Variants in COL28A1 observed in about 807,000 individuals in gnomAD.
COL28A1 encodes the protein collagen alpha-1(XXVIII) chain.
COL28A1 carries 161 observed loss-of-function variants against 150.2 expected under a neutral mutation model. The ratio of observed to expected loss-of-function variants is 1.07; its 90% CI spans 0.94 to 1.22. COL28A1 has a LOEUF of 1.22. COL28A1 is among the 50% of genes most tolerant of loss of function. The pLI, the probability that COL28A1 is intolerant of heterozygous loss-of-function variation, is 0.00. For missense variants in COL28A1, 1,617 were observed against 1,388.3 expected (o/e 1.16, Z -2.62); for synonymous variants, 552 against 469.7 (o/e 1.18, Z -2.26).
chr7:7,490,135 T>C (rs76379500), intron 12 of COL28A1, among the ~76,000 whole-genome samples: 3,945 of 152,238 alleles, frequency 0.026, 139 homozygotes, highest in African/African-American at 0.082. Flanking sequence ...GTTCCTTCCT[T>C]CCCTTTCTAG....
Position 7,462,497 on chromosome 7 carries a change from G to C in COL28A1, c.1303-6385C>G, listed in dbSNP as rs549611650. Among the ~76,000 whole-genome samples the C allele has an allele frequency of 2.0e-5, 3 of 152,112 alleles. No homozygotes were observed. The East Asian group carries it at 5.8e-4, about 29-fold the overall frequency. Reference sequence around the variant, plus strand: ...TAAAAAATGATACAAGAAGTGAAGGGAGAAATATTCAATGAAATAGATAGC... The same window carrying C: ...TAAAAAATGATACAAGAAGTGAAGGCAGAAATATTCAATGAAATAGATAGC... On this transcript the variant is annotated intron_variant, in intron 15 of 34. Transcript: ENST00000399429.
At chr7:7,457,816 G>A (rs1385545208) in intron 15 of COL28A1, among the ~76,000 whole-genome samples, 2 of 152,206 alleles carry the variant, frequency 1.3e-5, no homozygotes, top group African/African-American at 4.8e-5. Flanking sequence ...CAAATTAGTT[G>A]ATGACAGAGA....
intron 27 of COL28A1, among the ~76,000 whole-genome samples, chr7:7,405,058 A>G (rs1436702232): frequency 6.6e-6 from 1 of 152,142 alleles, no homozygotes; most frequent in Admixed American, 6.6e-5. Context: ...TAATTTCAAT[A>G]ATCATTTATT....
downstream of COL28A1, among the ~76,000 whole-genome samples, chr7:7,354,031 T>A (rs893871279): frequency 3.2e-4 from 34 of 107,200 alleles, no homozygotes; most frequent in African/African-American, 3.6e-4. Context: ...AAAAAAAAAT[T>A]TTTTTTTTTT....
At chr7:7,417,529 GGA>G (rs1784156265) in intron 27 of COL28A1, 1 of 121,484 alleles carries the variant, frequency 8.2e-6, no homozygotes, top group African/African-American at 1.1e-4. Context: ...GAGGGGGGAG[GGA>G]GGGAGGGAGG....
chr7:7,370,672 A>G (rs1414142072), intron 33 of COL28A1, 53 bp downstream of exon 33: 2 of 1,460,018 alleles, frequency 1.4e-6, no homozygotes, highest in African/African-American at 1.4e-5. Context: ...TTGATATGAA[A>G]CAGAGAGAAT....
intron 13 of COL28A1, among the ~76,000 whole-genome samples, chr7:7,482,563 T>C (rs528970160): frequency 9.1e-4 from 139 of 152,206 alleles, no homozygotes; most frequent in Non-Finnish European, 1.9e-3. Context: ...TTGATTTTTT[T>C]ATAATGACAT....
intron 15 of COL28A1, among the ~76,000 whole-genome samples, chr7:7,466,045 C>T (rs1246015634): frequency 2.3e-5 from 3 of 129,878 alleles, no homozygotes; most frequent in African/African-American, 8.7e-5. Flanking sequence ...AAACGCAGAG[C>T]GCCTCTCCTC....
At chr7:7,456,010 T>A (rs1787136156) in intron 16 of COL28A1, 34 bp downstream of exon 16, 7 of 1,612,874 alleles carry the variant, frequency 4.3e-6, no homozygotes, top group Non-Finnish European at 5.9e-6. Context: ...TGGAATGTTC[T>A]GCACTGAAGG....
chr7:7,417,539 A>AGG (rs796961168), intron 27 of COL28A1: 20 of 43,706 alleles, frequency 4.6e-4, no homozygotes, highest in Non-Finnish European at 6.5e-4. Context: ...GGAGGGAGGG[A>AGG]GGGGGGGGGG....
chr7:7,465,246 T>C (rs548074609), intron 15 of COL28A1, among the ~76,000 whole-genome samples: 339 of 138,334 alleles, frequency 2.5e-3, no homozygotes, highest in Non-Finnish European at 3.7e-3. Flanking sequence ...CCAGTGTGTG[T>C]GCGCACCGTG....
chr7:7,521,952 T>G lies in COL28A1; in HGVS notation c.712A>C (p.Lys238Gln). 9.2e-7 allele frequency: 1 copy of G among 1,082,890 alleles called. No homozygotes were observed. Among genetic ancestry groups the G allele is most frequent in the Non-Finnish European group, 1.4e-6 (1 of 693,876 alleles). 67.1% of individuals were successfully genotyped at this position (1,082,890 alleles called of 1,614,324 possible). ...DILFEKKCERKICECEKGDPG... is the reference protein window; with the variant it reads ...DILFEKKCERQICECEKGDPG... The stretch of plus-strand genomic sequence containing the variant: ...TCTCCCTTCTCACATTCACAAATCT[T>G]GCGTTCACACTGAATCAATAATGAA... Residue 238 changes from lysine (K) to glutamine (Q), a missense_variant, in exon 5 of 35, where the codon AAG becomes CAG. Physicochemically the swap from Lys to Gln is moderately conservative, Grantham distance 53. Coordinates refer to ENST00000399429, the MANE Select transcript of COL28A1 (RefSeq NM_001037763.3).
intron 16 of COL28A1, among the ~76,000 whole-genome samples, chr7:7,454,299 C>T (rs1392904855): frequency 6.6e-6 from 1 of 151,990 alleles, no homozygotes; most frequent in South Asian, 2.1e-4. Context: ...TCTAACATAA[C>T]AAGAATTCAA....
chr7:7,384,806 C>A (rs1205501965), intron 27 of COL28A1, among the ~76,000 whole-genome samples: 1 of 152,146 alleles, frequency 6.6e-6, no homozygotes, highest in African/African-American at 2.4e-5. Context: ...AAACATTAAA[C>A]TGACACTGGC....
intron 11 of COL28A1, among the ~76,000 whole-genome samples, chr7:7,491,899 G>A (rs1239206244): frequency 6.6e-6 from 1 of 152,098 alleles, no homozygotes; most frequent in Non-Finnish European, 1.5e-5. Context: ...TAAAAAGCAT[G>A]CATGCAAAGA....
Position 7,400,356 on chromosome 7 carries a change from A to C in COL28A1, c.2136+17503T>G, listed in dbSNP as rs527847157. ...AGAAGAAGGCCAAGCAATAGAAAAT[A>C]GGGTGAAGCAGAGTCAGACAGAAAA... On this transcript the variant is annotated intron_variant, in intron 27 of 34. Coordinates refer to ENST00000399429, the MANE Select transcript of COL28A1 (RefSeq NM_001037763.3). Among the ~76,000 whole-genome samples the C allele has an allele frequency of 2.1e-3, 315 of 152,342 alleles. 3 individuals are homozygous for C. Among genetic ancestry groups the C allele is most frequent in the African/African-American group, 7.0e-3 (292 of 41,584 alleles).
At chr7:7,346,349 C>G in the COL28A1 span, among the ~76,000 whole-genome samples, 2 of 151,914 alleles carry the variant, frequency 1.3e-5, no homozygotes, top group Non-Finnish European at 2.9e-5. Context: ...GAATAGAAGT[C>G]TCTAATTTTA....
At chr7:7,473,924 A>C (rs1007066381) in intron 15 of COL28A1, among the ~76,000 whole-genome samples, 1 of 149,704 alleles carries the variant, frequency 6.7e-6, no homozygotes, top group Admixed American at 6.7e-5. Flanking sequence ...TTGTTTATAT[A>C]TATGATGGAA....
intron 16 of COL28A1, among the ~76,000 whole-genome samples, chr7:7,453,779 T>C (rs1786906445): frequency 6.6e-6 from 1 of 152,216 alleles, no homozygotes; most frequent in Admixed American, 6.5e-5. Flanking sequence ...GTGGGCTAGA[T>C]TCTAGCCAAT....
Sources: gnomAD v4.1 joint callset for allele counts (sites outside exome capture counted in the v4.1 genomes callset) on GRCh38, gnomAD v4.1.1 for gene constraint, MANE v1.5 for transcripts, NCBI Gene and HGNC (gene_info 2026-07-23, HGNC 2026-07-21) for gene names.